SH3RF1: variants seen among roughly 807,000 people sequenced by gnomAD.
SH3RF1 encodes SH3 domain containing ring finger 1.
SH3RF1 carries 32 observed loss-of-function variants against 74.0 expected under a neutral mutation model. The observed-to-expected ratio is 0.43, with a 90% CI of 0.33 to 0.58. The LOEUF (loss-of-function observed/expected upper bound fraction) is 0.58. Among genes scored for constraint, SH3RF1 ranks in the 20% least tolerant of loss-of-function variants. The probability of loss-of-function intolerance (pLI) is 0.05; values close to 1 mark genes in which losing one functional copy is unlikely to be tolerated. For synonymous variants in SH3RF1, 396 were observed against 439.6 expected, an observed-to-expected ratio of 0.90 and a Z score of 1.24; for missense variants, 954 against 1,130.9, an observed-to-expected ratio of 0.84 and a Z score of 2.24.
intron 11 of SH3RF1, among the ~76,000 whole-genome samples, chr4:169,097,096 G>C (rs956599089): frequency 2.0e-5 from 3 of 152,146 alleles, no homozygotes; most frequent in Admixed American, 1.3e-4. Context: ...AGCTGAGCAG[G>C]GGGGGTTCAG....
At chr4:169,119,445 T>C (rs1579091265) in intron 8 of SH3RF1, among the ~76,000 whole-genome samples, 1 of 151,990 alleles carries the variant, frequency 6.6e-6, no homozygotes, top group East Asian at 1.9e-4. Flanking sequence ...CAGAGAGACT[T>C]CTAATAATTG....
intron 11 of SH3RF1, among the ~76,000 whole-genome samples, chr4:169,105,079 A>G (rs1196296309): frequency 2.6e-5 from 4 of 152,192 alleles, no homozygotes; most frequent in Non-Finnish European, 4.4e-5. Context: ...TCTGAAATAC[A>G]GAGGTAAGGT....
intron 2 of SH3RF1, among the ~76,000 whole-genome samples, chr4:169,192,112 C>T (rs3113831): frequency 0.47 from 71,437 of 151,858 alleles, 18,074 homozygotes; most frequent in East Asian, 0.78. Flanking sequence ...ACAGACAACC[C>T]ACAGAGTGGG....
At chr4:169,107,278 T>A (rs1344441422) in intron 10 of SH3RF1, 73 bp from the exon 11 acceptor site, 1 of 1,325,930 alleles carries the variant, frequency 7.5e-7, no homozygotes, top group Non-Finnish European at 1.0e-6. Context: ...AAGGGCCCTA[T>A]AGTTCATTAC....
chr4:169,214,341 C>T (rs185948627), intron 2 of SH3RF1, among the ~76,000 whole-genome samples: 282 of 152,300 alleles, frequency 1.9e-3, no homozygotes, highest in Non-Finnish European at 3.4e-3. Context: ...AGGCAGATGC[C>T]GGCACCATGC....
At chr4:169,148,504 G>A (rs112613790) in intron 4 of SH3RF1, among the ~76,000 whole-genome samples, 333 of 152,296 alleles carry the variant, frequency 2.2e-3, no homozygotes, top group African/African-American at 7.4e-3. Context: ...TATACACGAT[G>A]AGACTTAGGA....
intron 5 of SH3RF1, among the ~76,000 whole-genome samples, chr4:169,130,852 C>T (rs1032436025): frequency 6.6e-6 from 1 of 152,206 alleles, no homozygotes; most frequent in Non-Finnish European, 1.5e-5. Flanking sequence ...CAATTTCACT[C>T]AGGTTGCATA....
Position 169,201,644 on chromosome 4 carries a change from C to A in SH3RF1, c.394-44965G>T, listed in dbSNP as rs150195247. 1.1e-4 allele frequency: 16 copies of A among 152,272 alleles called. No individual in the cohort carries two copies. In the East Asian group the frequency reaches 3.1e-3, roughly 29 times the overall value. 9.4% of individuals were successfully genotyped at this position (152,272 alleles called of 1,614,324 possible). On this transcript the variant is annotated intron_variant, in intron 2 of 11. Transcript: ENST00000284637. ...TTGTCTCTTTAGGCAGCTTATTTCC[C>A]AGTCAAAGTTATAATTTTGTATTCA...
intron 2 of SH3RF1, among the ~76,000 whole-genome samples, chr4:169,162,621 C>G (rs760556227): frequency 6.6e-5 from 10 of 152,224 alleles, no homozygotes; most frequent in Non-Finnish European, 1.2e-4. Flanking sequence ...ACTACCAGCA[C>G]TTTGAGGATG....
intron 2 of SH3RF1, among the ~76,000 whole-genome samples, chr4:169,197,948 G>A (rs1734844915): frequency 6.6e-6 from 1 of 152,076 alleles, no homozygotes; most frequent in South Asian, 2.1e-4. Context: ...AGAAAACTGT[G>A]GTTCATACAC....
chr4:169,203,523 C>G (rs1163961654), intron 2 of SH3RF1, among the ~76,000 whole-genome samples: 1 of 151,522 alleles, frequency 6.6e-6, no homozygotes, highest in Non-Finnish European at 1.5e-5. Flanking sequence ...TGCACTCCAG[C>G]CTGGGCAACA....
At chr4:169,219,154 G>A (rs1254212016) in intron 2 of SH3RF1, among the ~76,000 whole-genome samples, 1 of 152,130 alleles carries the variant, frequency 6.6e-6, no homozygotes, top group Non-Finnish European at 1.5e-5. Context: ...GCAAGCATAA[G>A]AACAGTGGAA....
At chr4:169,123,670 T>C (rs1032744109) in intron 6 of SH3RF1, among the ~76,000 whole-genome samples, 3 of 152,130 alleles carry the variant, frequency 2.0e-5, no homozygotes, top group African/African-American at 7.2e-5. Context: ...GGCGGGCGGA[T>C]CACGAGGTCA....
intron 2 of SH3RF1, among the ~76,000 whole-genome samples, chr4:169,158,796 T>C (rs1734102602): frequency 6.6e-6 from 1 of 152,256 alleles, no homozygotes; most frequent in African/African-American, 2.4e-5. Context: ...CAGAACTTCA[T>C]AACACAATTT....
chr4:169,095,496 A>T lies in SH3RF1; in HGVS notation c.*1023T>A, dbSNP rs1732901720. ...TGCAAGACGTGGGGAAAGAATCACAATGGATGAATATGAACTTTTCACAGT... is the reference window on the plus strand; with the variant it reads ...TGCAAGACGTGGGGAAAGAATCACATTGGATGAATATGAACTTTTCACAGT... On this transcript the variant is annotated 3_prime_UTR_variant, in exon 12 of 12. Coordinates refer to ENST00000284637, the MANE Select transcript of SH3RF1 (RefSeq NM_020870.4). 2.0e-5 allele frequency: 3 copies of T among 152,614 alleles called. No homozygotes were observed. In the South Asian group the frequency reaches 6.2e-4, roughly 32 times the overall value. The allele number at this position is 152,614 out of a possible 1,614,324, so 9.5% of individuals were successfully genotyped here.
Position 169,120,960 on chromosome 4 carries a change from C to T in SH3RF1, c.1376G>A (p.Arg459Gln), listed in dbSNP as rs763220512. ...TCTCAGCTCTAGTTCATCCTCTTTC[C>T]GAGGAGTGTATGGATATATAGCAAC... The part of the protein sequence containing the change: ...VYVAIYPYTP[R>Q]KEDELELRKG... Residue 459 changes from arginine to glutamine, a missense_variant, in exon 8 of 12, where the codon CGG (arginine) becomes CAG (glutamine). Around this residue, in one of 3 missense-constraint regions of SH3RF1, gnomAD observed 854 missense variants for 962.5 expected, o/e 0.89. Coordinates refer to ENST00000284637, the MANE Select transcript of SH3RF1 (RefSeq NM_020870.4). 15 of 1,613,930 alleles carry T rather than the reference C, an allele frequency of 9.3e-6. No individual in the cohort carries two copies. The highest frequency in any genetic ancestry group is 2.2e-5 in the East Asian group (1 of 44,868).
chr4:169,252,160 T>C (rs1579163910), intron 2 of SH3RF1, among the ~76,000 whole-genome samples: 1 of 152,154 alleles, frequency 6.6e-6, no homozygotes. Context: ...GCATGTTGAG[T>C]TTTCCAGCTT....
intron 2 of SH3RF1, among the ~76,000 whole-genome samples, chr4:169,253,418 T>C (rs1731135968): frequency 6.6e-6 from 1 of 152,234 alleles, no homozygotes; most frequent in South Asian, 2.1e-4. Flanking sequence ...CTTGCAGCTT[T>C]CTGAGCTAGA....
At chr4:169,163,947 A>C (rs931918190) in intron 2 of SH3RF1, among the ~76,000 whole-genome samples, 1 of 152,130 alleles carries the variant, frequency 6.6e-6, no homozygotes, top group African/African-American at 2.4e-5. Context: ...CAATGATCTG[A>C]TTCTTGTGTG....
Sources: gnomAD v4.1 joint callset for allele counts (sites outside exome capture counted in the v4.1 genomes callset) on GRCh38, gnomAD v4.1.1 for gene constraint, gnomAD v4.1.1 regional missense constraint, MANE v1.5 for transcripts, NCBI Gene and HGNC (gene_info 2026-07-23, HGNC 2026-07-21) for gene names.